CYP4F22: variants seen among roughly 807,000 people sequenced by gnomAD.
CYP4F22 encodes cytochrome P450 family 4 subfamily F member 22.
CYP4F22 carries 37 observed loss-of-function variants against 60.4 expected under a neutral mutation model. The observed-to-expected ratio is 0.61, with a 90% CI of 0.47 to 0.81. The LOEUF is 0.81. CYP4F22 is among the 30% of genes least tolerant of loss of function. The probability of loss-of-function intolerance (pLI) is 0.00; values close to 1 mark genes in which losing one functional copy is unlikely to be tolerated. For missense variants in CYP4F22, 655 were observed against 715.0 expected (o/e 0.92, Z 0.96); for synonymous variants, 258 against 280.5 (o/e 0.92, Z 0.80).
chr19:15,550,853 AC>A, intron 13 of CYP4F22, 97 bp downstream of exon 13: 1 of 1,447,482 alleles, frequency 6.9e-7, no homozygotes. Context: ...ATCAGATGGC[AC>A]CCAGGCGTCC....
At chr19:15,529,509 AC>A (rs1315964099) in intron 3 of CYP4F22, among the ~76,000 whole-genome samples, 199 bp from the exon 4 acceptor site, 8 of 152,054 alleles carry the variant, frequency 5.3e-5, no homozygotes, top group African/African-American at 1.9e-4. Context: ...AATCCTTTCT[AC>A]TGCCCTCAGA....
At chr19:15,522,523 A>G (rs1409578659) in intron 1 of CYP4F22, among the ~76,000 whole-genome samples, 2 of 151,972 alleles carry the variant, frequency 1.3e-5, no homozygotes, top group African/African-American at 4.8e-5. Context: ...GAAAATAGAA[A>G]AAATTAGCTG....
At position 15,537,854 on chromosome 19, in the gene CYP4F22, C is replaced by G. The variant is rs370285007; in HGVS notation, c.550-18C>G. 3 of 1,613,212 alleles carry G rather than the reference C, an allele frequency of 1.9e-6. No homozygotes were observed. In the Admixed American group the frequency reaches 5.0e-5, roughly 27 times the overall value. On this transcript the variant is annotated intron_variant, in intron 6 of 13. Coordinates refer to ENST00000269703, the MANE Select transcript of CYP4F22 (RefSeq NM_173483.4). ...CTCTGTGGTTTCCATGCACAGTCAC[C>G]ATGTATCTCTCTTCCAGGCTAAATG...
intron 4 of CYP4F22, 112 bp from the exon 5 acceptor site, chr19:15,537,249 G>A (rs540824318): frequency 7.2e-7 from 1 of 1,387,696 alleles, no homozygotes; most frequent in Admixed American, 1.8e-5. Context: ...TGCAGTGAGT[G>A]GAGATCGCAC....
intron 4 of CYP4F22, among the ~76,000 whole-genome samples, chr19:15,533,445 C>A (rs1486760946): frequency 6.6e-6 from 1 of 152,112 alleles, no homozygotes. Flanking sequence ...AACCTCGAAT[C>A]TGCTTTCTGT....
At chr19:15,545,414 G>A (rs567263922) in intron 10 of CYP4F22, among the ~76,000 whole-genome samples, 14 of 152,056 alleles carry the variant, frequency 9.2e-5, no homozygotes, top group African/African-American at 3.1e-4. Context: ...TTGGGAGGCC[G>A]AGGGGGGTGG....
intron 8 of CYP4F22, among the ~76,000 whole-genome samples, chr19:15,541,852 T>C (rs1971466473): frequency 7.6e-6 from 1 of 131,942 alleles, no homozygotes. Flanking sequence ...TGCACTCAAG[T>C]GAAACTCCGT....
intron 2 of CYP4F22, among the ~76,000 whole-genome samples, chr19:15,524,708 G>A (rs112976026): frequency 0.015 from 2,213 of 151,726 alleles, 49 homozygotes; most frequent in African/African-American, 0.051. Flanking sequence ...GAAAGAGAGA[G>A]AGAAAGAAAG....
chr19:15,520,488 A>C (rs558119726), intron 1 of CYP4F22, among the ~76,000 whole-genome samples: 1 of 151,844 alleles, frequency 6.6e-6, no homozygotes, highest in East Asian at 1.9e-4. Flanking sequence ...TGAGGAGAAA[A>C]ACTCCAGCGT....
chr19:15,513,497 T>G (rs1971118430), intron 1 of CYP4F22, among the ~76,000 whole-genome samples: 1 of 151,696 alleles, frequency 6.6e-6, no homozygotes. Flanking sequence ...CCCGAGTAGC[T>G]GGGACTACAG....
rs200464692 is a variant in CYP4F22 at position 15,525,335 on chromosome 19, G to A, written c.-1-1G>A. On this transcript the variant is annotated splice_acceptor_variant, in intron 2 of 13. Coordinates refer to ENST00000269703, the MANE Select transcript of CYP4F22 (RefSeq NM_173483.4). LOFTEE classifies it low-confidence loss of function (5UTR_SPLICE). ...GACCCCCTGACCCTGTGTGTCCCCA[G>A]GATGCTGCCCATCACAGACCGCCTG... 34 of 1,613,098 alleles carry A rather than the reference G, an allele frequency of 2.1e-5. No homozygotes were observed. The East Asian group carries it at 7.4e-4, about 35-fold the overall frequency.
chr19:15,542,656 G>C (rs1031830974), intron 8 of CYP4F22, among the ~76,000 whole-genome samples: 2 of 152,094 alleles, frequency 1.3e-5, no homozygotes, highest in Admixed American at 1.3e-4. Flanking sequence ...TCATCACCTA[G>C]GTATTAAGCC....
Position 15,544,090 on chromosome 19 carries a change from T to C in CYP4F22, c.1006+53T>C, listed in dbSNP as rs899386207. 11 of 1,614,040 alleles carry C rather than the reference T, an allele frequency of 6.8e-6. No homozygotes were observed. In the African/African-American group the frequency reaches 1.3e-4, roughly 20 times the overall value. Reference sequence around the variant, plus strand: ...GGGCAGGAAGGGACATCATTGTCTGTAGACAGCATCTCTGCTTTCTTCAGG... The same window carrying C: ...GGGCAGGAAGGGACATCATTGTCTGCAGACAGCATCTCTGCTTTCTTCAGG... On this transcript the variant is annotated intron_variant, in intron 9 of 13. Coordinates refer to ENST00000269703, the MANE Select transcript of CYP4F22 (RefSeq NM_173483.4).
chr19:15,515,298 G>T, intron 1 of CYP4F22: 1 of 1,095,660 alleles, frequency 9.1e-7, no homozygotes, highest in Non-Finnish European at 1.4e-6. Context: ...TATTTTCAGT[G>T]TATATGTTGG....
In CYP4F22 at chr19:15,548,210, C is replaced by G; in HGVS notation, c.1239C>G (p.Ile413Met). ...TLVSRQCTED[I>M]KLPDGRIIPK... ...TCTCTCGCCAATGCACGGAGGACAT[C>G]AAGCTCCCAGATGGGCGCATCATCC... The change falls in exon 11 of 14, where the codon ATC (isoleucine) becomes ATG (methionine). Residue 413 changes from isoleucine to methionine, a missense_variant. Ile to Met is a conservative substitution (Grantham distance 10, BLOSUM62 1). This residue lies in a region of CYP4F22 where 74 missense variants were observed against 118.4 expected (regional missense o/e 0.62). Coordinates refer to ENST00000269703, the MANE Select transcript of CYP4F22 (RefSeq NM_173483.4). 6.2e-7 allele frequency: 1 copy of G among 1,614,172 alleles called. No homozygotes were observed. The highest frequency in any genetic ancestry group is 8.5e-7 in the Non-Finnish European group (1 of 1,180,024).
At chr19:15,536,210 A>G (rs536243358) in intron 4 of CYP4F22, among the ~76,000 whole-genome samples, 1 of 152,214 alleles carries the variant, frequency 6.6e-6, no homozygotes, top group African/African-American at 2.4e-5. Context: ...ATGGTGGCGT[A>G]TGCCTGTAGT....
Position 15,551,350 on chromosome 19 carries a change from C to A in CYP4F22, c.1475C>A (p.Thr492Lys). ...GAGTTGCGCGTGGTTGTGGCACTAA[C>A]ACTGCTACGTTTCCGCCTGAGCGTG... Reference protein sequence around the residue: ...MAELRVVVALTLLRFRLSVDR... With the variant: ...MAELRVVVALKLLRFRLSVDR... Residue 492 changes from threonine (T) to lysine (K), a missense_variant, in exon 14 of 14, where the codon ACA becomes AAA. Physicochemically the swap from Thr to Lys is moderately conservative, Grantham distance 78. Coordinates refer to ENST00000269703, the MANE Select transcript of CYP4F22 (RefSeq NM_173483.4). 1.9e-6 allele frequency: 3 copies of A among 1,613,562 alleles called. No individual in the cohort carries two copies. Among genetic ancestry groups the A allele is most frequent in the Non-Finnish European group, 1.7e-6 (2 of 1,179,760 alleles).
chr19:15,508,648 G>C (rs1050861938), intron 1 of CYP4F22, 65 bp downstream of exon 1: 29 of 152,472 alleles, frequency 1.9e-4, no homozygotes, highest in African/African-American at 7.0e-4. Context: ...GGAACCCGAG[G>C]CTCGCGCGGT....
chr19:15,542,038 T>C (rs1227311571), intron 8 of CYP4F22, among the ~76,000 whole-genome samples: 1 of 152,124 alleles, frequency 6.6e-6, no homozygotes, highest in Non-Finnish European at 1.5e-5. Flanking sequence ...TCATTGACTC[T>C]TCTTCCCAAG....
Sources: allele counts gnomAD v4.1 joint callset (sites outside exome capture counted in the v4.1 genomes callset), GRCh38; gene constraint gnomAD v4.1.1; regional missense constraint gnomAD v4.1.1; transcripts MANE v1.5; gene names NCBI Gene and HGNC (gene_info 2026-07-23, HGNC 2026-07-21).